The following NLRP9 variants were observed in gnomAD, a reference collection of about 807,000 sequenced individuals.
The protein encoded by NLRP9 is NACHT, LRR and PYD domains-containing protein 9.
In NLRP9, 88 loss-of-function variants were observed where a neutral mutation model predicts 83.1. That is an observed-to-expected ratio of 1.06 (90% CI 0.89 to 1.26). The LOEUF (loss-of-function observed/expected upper bound fraction) is 1.26, where lower values mean the gene tolerates loss of function less well. Among genes scored for constraint, NLRP9 ranks in the 50% most tolerant of loss-of-function variants. The probability of loss-of-function intolerance (pLI) is 0.00; values close to 1 mark genes in which losing one functional copy is unlikely to be tolerated. For missense variants in NLRP9, 1,308 were observed against 1,179.3 expected, an observed-to-expected ratio of 1.11 and a Z score of -1.60; for synonymous variants, 521 against 447.6, an observed-to-expected ratio of 1.16 and a Z score of -2.07.
At chr19:55,729,088 A>G (rs912663430) in intron 3 of NLRP9, among the ~76,000 whole-genome samples, 1 of 34,338 alleles carries the variant, frequency 2.9e-5, no homozygotes, top group African/African-American at 1.1e-4. Flanking sequence ...ATTTAAGGCT[A>G]TTTTTCTGTC....
chr19:55,729,689 T>C (rs758270134), intron 3 of NLRP9, 142 bp downstream of exon 3: 63 of 631,894 alleles, frequency 1.0e-4, no homozygotes, highest in Non-Finnish European at 1.6e-4. Context: ...AGTGCCGCAA[T>C]AAACATACAT....
In NLRP9 at chr19:55,712,413, TACTC is replaced by T. The variant is rs1243747950; in HGVS notation, c.2672+3_2672+6del. On this transcript the variant is annotated splice_donor_5th_base_variant and intron_variant, in intron 7 of 8. Transcript: ENST00000332836. Reference sequence around the variant, plus strand: ...TTTTCCTACGATGGTGATCAGTAGATACTCACCCGAGACACTCTAATTTACAGTG... The same window carrying T: ...TTTTCCTACGATGGTGATCAGTAGATACCCGAGACACTCTAATTTACAGTG... The T allele has an allele frequency of 6.2e-7, 1 of 1,609,892 alleles. No individual in the cohort carries two copies. The highest frequency in any genetic ancestry group is 1.7e-5 in the Admixed American group (1 of 59,904).
intron 4 of NLRP9, among the ~76,000 whole-genome samples, 159 bp downstream of exon 4, chr19:55,723,821 G>A (rs558855129): frequency 9.2e-5 from 14 of 151,822 alleles, no homozygotes; most frequent in Admixed American, 5.3e-4. Flanking sequence ...TTGCCCGGCA[G>A]AATCTACCTT....
chr19:55,717,744 C>A (rs1192725227), intron 4 of NLRP9, among the ~76,000 whole-genome samples: 1 of 152,196 alleles, frequency 6.6e-6, no homozygotes, highest in East Asian at 1.9e-4. Context: ...TTAACCCAAT[C>A]CTGACACTTC....
chr19:55,726,774 G>A (rs1407505225), intron 3 of NLRP9, among the ~76,000 whole-genome samples: 1 of 152,152 alleles, frequency 6.6e-6, no homozygotes, highest in African/African-American at 2.4e-5. Context: ...TAGAATCGAT[G>A]TTGAAGGAAT....
chr19:55,708,775 C>G lies in NLRP9; in HGVS notation c.*137G>C. On this transcript the variant is annotated 3_prime_UTR_variant, in exon 9 of 9. Coordinates refer to ENST00000332836, the MANE Select transcript of NLRP9 (RefSeq NM_176820.4). ...TGAATCACACTCCATAATCATATTG[C>G]TAGAACACTTAGGGAGTACCTCTGA... 1 of 589,702 alleles carries G rather than the reference C, an allele frequency of 1.7e-6. No individual in the cohort carries two copies. Among genetic ancestry groups the G allele is most frequent in the Non-Finnish European group, 2.9e-6 (1 of 340,646 alleles). The allele number at this position is 589,702 out of a possible 1,614,324, so 36.5% of individuals were successfully genotyped here. A position where few individuals can be genotyped will look rare whatever the true frequency, so the allele number is the denominator to read the frequency against.
At position 55,710,959 on chromosome 19, in the gene NLRP9, G is replaced by T. The variant is rs1014147609; in HGVS notation, c.2843+841C>A. On this transcript the variant is annotated intron_variant, in intron 8 of 8. Coordinates refer to ENST00000332836, the MANE Select transcript of NLRP9 (RefSeq NM_176820.4). ...AAATTAGCTGAGCATGGTGGTGAGT[G>T]CCTGTAATCCCAGCTACTTGGGAGG... is the stretch of plus-strand genomic sequence containing the variant. Among the ~76,000 whole-genome samples the T allele has an allele frequency of 2.0e-5, 3 of 152,180 alleles. No homozygotes were observed. The South Asian group carries it at 6.2e-4, about 32-fold the overall frequency.
In NLRP9 at chr19:55,730,018, C is replaced by T. The variant is rs776413648; in HGVS notation, c.1833-26G>A. The T allele has an allele frequency of 3.8e-6, 6 of 1,599,092 alleles. No individual in the cohort carries two copies. In the South Asian group the frequency reaches 5.5e-5, roughly 15 times the overall value. On this transcript the variant is annotated intron_variant, in intron 2 of 8. Coordinates refer to ENST00000332836, the MANE Select transcript of NLRP9 (RefSeq NM_176820.4). ...CTATGAGAGAACAAAGATTGTGATT[C>T]TCCAGTGGCTAAACTCAATTCAAGA...
Position 55,732,604 on chromosome 19 carries a change from T to C in NLRP9, c.1227A>G (p.Val409=), listed in dbSNP as rs771495083. 1.2e-6 allele frequency: 2 copies of C among 1,614,164 alleles called. No homozygotes were observed. The highest frequency in any genetic ancestry group is 8.5e-7 in the Non-Finnish European group (1 of 1,180,028). Reference sequence around the variant, plus strand: ...TCCTCCGGAGATCCCCATGGGAAAATACAAATGTATATGTCCAAATTCCCT... The same window carrying C: ...TCCTCCGGAGATCCCCATGGGAAAACACAAATGTATATGTCCAAATTCCCT... ...AAEGIWTYTF[V]FSHGDLRRNG... The change falls in exon 2 of 9, where the codon GTA becomes GTG. Residue 409 remains valine (V), a synonymous_variant. Transcript: ENST00000332836.
chr19:55,736,080 T>C (rs1050263745), intron 1 of NLRP9, among the ~76,000 whole-genome samples: 2 of 152,132 alleles, frequency 1.3e-5, no homozygotes. Context: ...TCCAAGGTTT[T>C]TTTTTGAGAC....
At chr19:55,717,827 G>A (rs183733076) in intron 4 of NLRP9, among the ~76,000 whole-genome samples, 4 of 152,288 alleles carry the variant, frequency 2.6e-5, no homozygotes, top group Admixed American at 6.5e-5. Flanking sequence ...CTACAAGAAT[G>A]TGGTTCAGAG....
chr19:55,730,251 T>G (rs1988534137), intron 2 of NLRP9, among the ~76,000 whole-genome samples: 1 of 152,250 alleles, frequency 6.6e-6, no homozygotes, highest in Admixed American at 6.5e-5. Flanking sequence ...CTTAGGAGTT[T>G]GAGGACGGCC....
intron 4 of NLRP9, 123 bp from the exon 5 acceptor site, chr19:55,717,021 C>A: frequency 1.6e-6 from 1 of 610,556 alleles, no homozygotes; most frequent in Non-Finnish European, 2.8e-6. Context: ...ATCTACACTA[C>A]AGACTCTTTT....
chr19:55,721,011 T>C (rs1211667486), intron 4 of NLRP9, among the ~76,000 whole-genome samples: 2 of 152,166 alleles, frequency 1.3e-5, no homozygotes, highest in Non-Finnish European at 2.9e-5. Context: ...CCCTTAAGTG[T>C]TGGGGAGAAA....
At chr19:55,727,669 CTT>C (rs1988442102) in intron 3 of NLRP9, among the ~76,000 whole-genome samples, 1 of 152,086 alleles carries the variant, frequency 6.6e-6, no homozygotes, top group Non-Finnish European at 1.5e-5. Context: ...TTTAGAAATT[CTT>C]TTGAGTCAGT....
intron 3 of NLRP9, 34 bp from the exon 4 acceptor site, chr19:55,724,178 A>G: frequency 6.7e-7 from 1 of 1,491,248 alleles, no homozygotes; most frequent in Non-Finnish European, 9.2e-7. Flanking sequence ...AGCATCATGC[A>G]ATGAGATCCC....
At chr19:55,735,338 G>A (rs1310115122) in intron 1 of NLRP9, among the ~76,000 whole-genome samples, 2 of 132,476 alleles carry the variant, frequency 1.5e-5, no homozygotes, top group African/African-American at 5.8e-5. Flanking sequence ...GGTAATCCCA[G>A]CGCTTTGGGA....
chr19:55,726,375 C>T (rs1988404460), intron 3 of NLRP9, among the ~76,000 whole-genome samples: 1 of 152,126 alleles, frequency 6.6e-6, no homozygotes, highest in African/African-American at 2.4e-5. Flanking sequence ...CAACTTTTTC[C>T]TTTTTCTACA....
chr19:55,713,037 C>G (rs1438601526), intron 6 of NLRP9, among the ~76,000 whole-genome samples: 2 of 148,534 alleles, frequency 1.3e-5, no homozygotes, highest in African/African-American at 2.5e-5. Context: ...CTACTCTGCT[C>G]CAACACTTTG....
Sources: gnomAD v4.1 joint callset for allele counts (sites outside exome capture counted in the v4.1 genomes callset) on GRCh38, gnomAD v4.1.1 for gene constraint, MANE v1.5 for transcripts, NCBI Gene and HGNC (gene_info 2026-07-23, HGNC 2026-07-21) for gene names.